ANKRD30B: variants seen among roughly 807,000 people sequenced by gnomAD.
ANKRD30B encodes ankyrin repeat domain-containing protein 30B.
In ANKRD30B, 144 loss-of-function variants were observed where a neutral mutation model predicts 202.2. That is an observed-to-expected ratio of 0.71 (90% CI 0.62 to 0.82). The LOEUF is 0.82. Among genes scored for constraint, ANKRD30B ranks in the 40% least tolerant of loss-of-function variants. ANKRD30B has a pLI of 0.00. For synonymous variants in ANKRD30B, 508 were observed against 561.3 expected, an observed-to-expected ratio of 0.91 and a Z score of 1.34; for missense variants, 1,487 against 1,669.1, an observed-to-expected ratio of 0.89 and a Z score of 1.90.
At chr18:14,809,932 G>T in intron 26 of ANKRD30B, 54 bp from the exon 27 acceptor site, 1 of 1,343,048 alleles carries the variant, frequency 7.4e-7, no homozygotes, top group South Asian at 1.2e-5. Flanking sequence ...TGAACATTTG[G>T]TAGGCTTTGT....
In ANKRD30B at chr18:14,799,115, G is replaced by T. The variant is rs1437684654; in HGVS notation, c.2044G>T (p.Asp682Tyr). Residue 682 changes from aspartate (D) to tyrosine (Y), a missense_variant, in exon 21 of 44, where the codon GAT (aspartate) becomes TAT (tyrosine). By Grantham distance (160) the Asp-to-Tyr change is radical. Around this residue, in one of 6 missense-constraint regions of ANKRD30B, gnomAD observed 889 missense variants for 841.4 expected, o/e 1.06. Coordinates refer to ENST00000690538, the MANE Select transcript of ANKRD30B (RefSeq NM_001367607.2). ...TTTTCTTTTAGAGTCTCCTGATAATGATGGTCTTCTGAAGGTAATAACTTT... is the reference window on the plus strand; with the variant it reads ...TTTTCTTTTAGAGTCTCCTGATAATTATGGTCTTCTGAAGGTAATAACTTT... ...ETLKAESPDNDGLLKPTCGRK... is the reference protein window; with the variant it reads ...ETLKAESPDNYGLLKPTCGRK... 1.3e-6 allele frequency: 2 copies of T among 1,578,206 alleles called. No homozygotes were observed. Among genetic ancestry groups the T allele is most frequent in the East Asian group, 2.2e-5 (1 of 44,518 alleles).
chr18:14,797,757 T>C, intron 19 of ANKRD30B, 25 bp from the exon 20 acceptor site: 1 of 1,588,370 alleles, frequency 6.3e-7, no homozygotes, highest in Non-Finnish European at 8.6e-7. Context: ...TATATATTAA[T>C]TTTTGTGTTT....
intron 36 of ANKRD30B, among the ~76,000 whole-genome samples, chr18:14,837,922 A>G (rs1435303709): frequency 6.6e-6 from 1 of 152,214 alleles, no homozygotes. Flanking sequence ...AGACTGAGGC[A>G]GGAGAATGGC....
chr18:14,828,741 T>C (rs764257418), intron 33 of ANKRD30B, among the ~76,000 whole-genome samples: 14 of 152,210 alleles, frequency 9.2e-5, no homozygotes, highest in Non-Finnish European at 1.8e-4. Context: ...CATTGATTAA[T>C]CCAAGACTTT....
chr18:14,882,710 G>T, the ANKRD30B span, among the ~76,000 whole-genome samples: 1 of 151,970 alleles, frequency 6.6e-6, no homozygotes, highest in Non-Finnish European at 1.5e-5. Context: ...GAGTATTGAA[G>T]TCCCCCACTA....
the ANKRD30B span, among the ~76,000 whole-genome samples, chr18:14,937,092 G>A: frequency 6.6e-6 from 1 of 152,164 alleles, no homozygotes; most frequent in African/African-American, 2.4e-5. Flanking sequence ...GAACATACTG[G>A]TCATGAGCCT....
At chr18:14,764,169 T>C (rs1427581129) in intron 7 of ANKRD30B, 79 bp downstream of exon 7, 2 of 1,386,930 alleles carry the variant, frequency 1.4e-6, no homozygotes, top group Non-Finnish European at 9.5e-7. Context: ...ATGGGAGTTG[T>C]TGGGAATGTC....
chr18:14,910,765 TTC>T, the ANKRD30B span, among the ~76,000 whole-genome samples: 1 of 152,210 alleles, frequency 6.6e-6, no homozygotes, highest in Non-Finnish European at 1.5e-5. Flanking sequence ...GTGTTCTCTT[TTC>T]CCTGCATCCT....
chr18:14,885,117 T>A, the ANKRD30B span, among the ~76,000 whole-genome samples: 1 of 152,108 alleles, frequency 6.6e-6, no homozygotes, highest in Non-Finnish European at 1.5e-5. Context: ...GTGGCCTGCA[T>A]CCATTTCGAT....
chr18:14,809,994 G>C lies in ANKRD30B; in HGVS notation c.2395G>C (p.Asp799His), dbSNP rs774146867. 153 of 1,426,054 alleles carry C rather than the reference G, an allele frequency of 1.1e-4. 7 individuals carry two copies. The South Asian group carries it at 1.7e-3, about 16-fold the overall frequency. 88.3% of individuals were successfully genotyped at this position (1,426,054 alleles called of 1,614,324 possible). The change falls in exon 27 of 44, where the codon GAT becomes CAT. Residue 799 changes from aspartate to histidine, a missense_variant. Asp to His is a moderately conservative substitution (Grantham distance 81). This residue lies in a region of ANKRD30B where 218 missense variants were observed against 320.1 expected (regional missense o/e 0.68). Transcript: ENST00000690538. ...DRETLKAESP[D>H]KDGLLKPTCV... is the part of the protein sequence containing the mutation. ...TGTCCCTTTTCTTTTAGAGTCTCCTGATAAAGATGGTCTTCTGAAGGTAAT... is the reference window on the plus strand; with the variant it reads ...TGTCCCTTTTCTTTTAGAGTCTCCTCATAAAGATGGTCTTCTGAAGGTAAT...
intron 1 of ANKRD30B, among the ~76,000 whole-genome samples, chr18:14,749,082 C>A (rs1379429273): frequency 6.6e-6 from 1 of 152,154 alleles, no homozygotes; most frequent in African/African-American, 2.4e-5. Flanking sequence ...GCTAAAAATT[C>A]TTTGGATAAA....
At chr18:14,800,514 CG>C (rs1174336767) in intron 22 of ANKRD30B, among the ~76,000 whole-genome samples, 1 of 150,934 alleles carries the variant, frequency 6.6e-6, no homozygotes, top group Non-Finnish European at 1.5e-5. Flanking sequence ...TTAGTAGAAA[CG>C]GGGTTTCACC....
chr18:14,855,905 A>C (rs1200065807), downstream of ANKRD30B, among the ~76,000 whole-genome samples: 3 of 151,190 alleles, frequency 2.0e-5, no homozygotes, highest in Admixed American at 2.0e-4. Context: ...GCGGCTGGGC[A>C]GAGGCGCTCC....
chr18:14,807,422 A>C (rs1415762061), intron 24 of ANKRD30B, among the ~76,000 whole-genome samples: 2 of 150,460 alleles, frequency 1.3e-5, no homozygotes, highest in Non-Finnish European at 3.0e-5. Flanking sequence ...TTCCTTGAAC[A>C]ATAAAACTGT....
the ANKRD30B span, among the ~76,000 whole-genome samples, chr18:14,893,296 T>C: frequency 2.0e-5 from 3 of 152,174 alleles, no homozygotes; most frequent in African/African-American, 7.2e-5. Context: ...TTCCTTTCAA[T>C]AGGCACAAAT....
the ANKRD30B span, chr18:14,905,519 G>A: frequency 6.6e-6 from 1 of 152,202 alleles, no homozygotes; most frequent in Non-Finnish European, 1.5e-5. Context: ...GAAAAGGAAG[G>A]TTATGGAAGC....
rs1488913764 is a variant in ANKRD30B at position 14,805,958 on chromosome 18, C to T, written c.2284+2134C>T. ...ATTTCAGGCCAGGCGTGGTGACTCA[C>T]GCCTGTAATCCCAGCACTTTGGGAG... On this transcript the variant is annotated intron_variant, in intron 24 of 43. Transcript: ENST00000690538. Among the ~76,000 whole-genome samples the T allele has an allele frequency of 3.3e-5, 5 of 150,586 alleles. 1 individual carries two copies. Among genetic ancestry groups the T allele is most frequent in the African/African-American group, 9.8e-5 (4 of 40,710 alleles).
intron 4 of ANKRD30B, 133 bp from the exon 5 acceptor site, chr18:14,757,682 T>A: frequency 1.0e-6 from 1 of 954,998 alleles, no homozygotes; most frequent in Non-Finnish European, 1.5e-6. Context: ...GATTTGGTGG[T>A]GATTTGCAAG....
At chr18:14,752,259 T>G (rs1351457171) in intron 1 of ANKRD30B, among the ~76,000 whole-genome samples, 1 of 152,178 alleles carries the variant, frequency 6.6e-6, no homozygotes, top group Admixed American at 6.5e-5. Flanking sequence ...ATCTCCATTT[T>G]ATTGATGAGA....
Sources: allele counts gnomAD v4.1 joint callset (sites outside exome capture counted in the v4.1 genomes callset), GRCh38; gene constraint gnomAD v4.1.1; regional missense constraint gnomAD v4.1.1; transcripts MANE v1.5; gene names NCBI Gene and HGNC (gene_info 2026-07-23, HGNC 2026-07-21).